The following BTBD8 variants were observed in gnomAD, a reference collection of about 807,000 sequenced individuals.
The protein encoded by BTBD8 is BTB/POZ domain-containing protein 8.
BTBD8 carries 110 observed loss-of-function variants against 162.9 expected under a neutral mutation model. The observed-to-expected ratio is 0.68, with a 90% CI of 0.58 to 0.79. The LOEUF is 0.79. BTBD8 is among the 30% of genes least tolerant of loss of function. BTBD8 has a pLI of 0.00. For missense variants in BTBD8, 1,905 were observed against 2,085.4 expected, an observed-to-expected ratio of 0.91 and a Z score of 1.68; for synonymous variants, 667 against 716.1, an observed-to-expected ratio of 0.93 and a Z score of 1.10.
In BTBD8 at chr1:92,181,746, A is replaced by G; in HGVS notation, c.4063A>G (p.Ile1355Val). 1.3e-6 allele frequency: 2 copies of G among 1,551,528 alleles called. No individual in the cohort carries two copies. Among genetic ancestry groups the G allele is most frequent in the Non-Finnish European group, 1.7e-6 (2 of 1,146,964 alleles). ...KRPEIWSRSA[I>V]VHSRERENIP... is the part of the protein sequence containing the mutation. ...GCCAGAAATTTGGTCTCGATCTGCA[A>G]TAGTTCACTCTAGGGAAAGAGAAAA... The change falls in exon 17 of 18, where the codon ATA (isoleucine) becomes GTA (valine). Residue 1355 changes from isoleucine (I) to valine (V), a missense_variant. Coordinates refer to ENST00000636805, the MANE Select transcript of BTBD8 (RefSeq NM_001376131.1).
intron 5 of BTBD8, among the ~76,000 whole-genome samples, chr1:92,134,140 A>T (rs56218378): frequency 6.6e-6 from 1 of 151,936 alleles, no homozygotes; most frequent in South Asian, 2.1e-4. Context: ...AAGGAACTCC[A>T]CTTGTTTCAT....
chr1:92,177,388 C>A lies in BTBD8; in HGVS notation c.2195C>A (p.Ser732Ter). 1 of 1,551,698 alleles carries A rather than the reference C, an allele frequency of 6.4e-7. No individual in the cohort carries two copies. Among genetic ancestry groups the A allele is most frequent in the Non-Finnish European group, 8.7e-7 (1 of 1,146,998 alleles). Residue 732 changes from serine to a stop codon, truncating the protein, a stop_gained, in exon 14 of 18, where the codon TCA becomes TAA. Transcript: ENST00000636805. LOFTEE classifies it high-confidence loss of function. ...GGACCCTCCAGCAGATCCACAGATT[C>A]AAGTATGGAATTCTCAATTTCCACT... ...IAGPSSRSTD[S>*]SMEFSISTEC... is the part of the protein sequence containing the mutation.
In BTBD8 at chr1:92,178,356, C is replaced by T. The variant is rs1356127060; in HGVS notation, c.2486C>T (p.Pro829Leu). The change falls in exon 16 of 18, where the codon CCA becomes CTA. Residue 829 changes from proline to leucine, a missense_variant. Transcript: ENST00000636805. ...GGCAAAGGATGTAGTGAGCCAGTAC[C>T]ACAGGCAATTTTGAAGAAAAGAGGA... is the stretch of plus-strand genomic sequence containing the variant. ...VSGKGCSEPV[P>L]QAILKKRGTS... 25 of 1,551,230 alleles carry T rather than the reference C, an allele frequency of 1.6e-5. No homozygotes were observed. Among genetic ancestry groups the T allele is most frequent in the African/African-American group, 2.7e-5 (2 of 73,004 alleles).
rs753458005 is a variant in BTBD8, at chr1:92,180,435, G to A, written c.2752G>A (p.Ala918Thr). ...GCCTAAGGTTAATGCAAAAATAGTG[G>A]CAATGCCTAAAAATCTAAATCAGTC... ...ALPKVNAKIV[A>T]MPKNLNQSKK... The change falls in exon 17 of 18, where the codon GCA becomes ACA. Residue 918 changes from alanine to threonine, a missense_variant. By Grantham distance (58) the Ala-to-Thr change is moderately conservative. Around this residue, in one of 3 missense-constraint regions of BTBD8, gnomAD observed 1,374 missense variants for 1,442.7 expected, o/e 0.95. Transcript: ENST00000636805. 7 of 1,551,080 alleles carry A rather than the reference G, an allele frequency of 4.5e-6. No homozygotes were observed. In the Admixed American group the frequency reaches 5.9e-5, roughly 13 times the overall value.
In BTBD8 at chr1:92,129,699, T is replaced by C. The variant is rs1410858831; in HGVS notation, c.675T>C (p.Ser225=). The C allele has an allele frequency of 6.2e-7, 1 of 1,614,040 alleles. No homozygotes were observed. The highest frequency in any genetic ancestry group is 8.5e-7 in the Non-Finnish European group (1 of 1,179,926). Residue 225 remains serine (S), a synonymous_variant, in exon 5 of 18, where the codon AGT becomes AGC. Coordinates refer to ENST00000636805, the MANE Select transcript of BTBD8 (RefSeq NM_001376131.1). ...KRFKAHRAIL[S]ARSSYFAAML... is the part of the protein sequence containing the mutation. ...CTCTTCCCTTTAGGGCCATTTTGAG[T>C]GCCAGATCTAGTTATTTTGCTGCAA...
intron 9 of BTBD8, among the ~76,000 whole-genome samples, chr1:92,152,660 A>AT (rs1010592172): frequency 3.8e-4 from 56 of 148,090 alleles, no homozygotes; most frequent in African/African-American, 7.1e-4. Context: ...AACGAGTTTG[A>AT]TTTTTTTTTT....
intron 1 of BTBD8, among the ~76,000 whole-genome samples, 160 bp from the exon 2 acceptor site, chr1:92,088,538 T>C (rs1648215757): frequency 6.6e-6 from 1 of 152,222 alleles, no homozygotes; most frequent in Non-Finnish European, 1.5e-5. Flanking sequence ...TGTTAAACAA[T>C]GTTTTTTGGA....
At chr1:92,118,452 A>G (rs1649103291) in intron 4 of BTBD8, among the ~76,000 whole-genome samples, 1 of 151,918 alleles carries the variant, frequency 6.6e-6, no homozygotes, top group Non-Finnish European at 1.5e-5. Flanking sequence ...ATTATATCAT[A>G]TTAAAGGTAC....
intron 13 of BTBD8, among the ~76,000 whole-genome samples, chr1:92,173,205 G>A (rs548559837): frequency 5.9e-5 from 9 of 152,334 alleles, no homozygotes; most frequent in South Asian, 2.1e-4. Flanking sequence ...GATTGCAGGC[G>A]TGAGCCACCA....
chr1:92,131,932 A>G (rs1030299475), intron 5 of BTBD8, among the ~76,000 whole-genome samples: 6 of 151,930 alleles, frequency 3.9e-5, no homozygotes, highest in African/African-American at 1.5e-4. Context: ...CCAGTCTCAA[A>G]CTCTTGATCT....
intron 4 of BTBD8, among the ~76,000 whole-genome samples, chr1:92,114,063 C>T (rs1462280994): frequency 6.7e-6 from 1 of 148,644 alleles, no homozygotes; most frequent in Non-Finnish European, 1.5e-5. Flanking sequence ...GACTGCTACA[C>T]ATATAAATCA....
intron 2 of BTBD8, among the ~76,000 whole-genome samples, chr1:92,092,813 A>C (rs1387598243): frequency 2.6e-5 from 4 of 152,124 alleles, no homozygotes; most frequent in African/African-American, 9.7e-5. Context: ...ATCTGTCCTT[A>C]TATCCCAGAC....
intron 9 of BTBD8, among the ~76,000 whole-genome samples, chr1:92,155,060 C>A (rs890104958): frequency 6.6e-6 from 1 of 152,106 alleles, no homozygotes; most frequent in African/African-American, 2.4e-5. Flanking sequence ...TACTAAAGAG[C>A]AGTTTTATGT....
chr1:92,172,532 AT>A (rs1270161089), intron 13 of BTBD8, among the ~76,000 whole-genome samples: 7 of 152,234 alleles, frequency 4.6e-5, no homozygotes. Flanking sequence ...GTTATTAATT[AT>A]GGTTAGGGTT....
At chr1:92,134,437 A>G (rs534651942) in intron 5 of BTBD8, among the ~76,000 whole-genome samples, 4 of 152,276 alleles carry the variant, frequency 2.6e-5, no homozygotes, top group South Asian at 2.1e-4. Context: ...CTTTCCTCCA[A>G]TAAGTTCATT....
intron 2 of BTBD8, among the ~76,000 whole-genome samples, chr1:92,091,196 T>A (rs565432754): frequency 6.6e-6 from 1 of 152,244 alleles, no homozygotes; most frequent in Admixed American, 6.5e-5. Flanking sequence ...TCTCAGGAGA[T>A]CTGGTTGTTT....
intron 4 of BTBD8, among the ~76,000 whole-genome samples, chr1:92,120,208 T>A (rs1380789860): frequency 6.6e-6 from 1 of 152,156 alleles, no homozygotes; most frequent in Non-Finnish European, 1.5e-5. Flanking sequence ...CTTTTTTCTG[T>A]TAAAAAATAT....
At chr1:92,173,916 A>G (rs1018852693) in intron 13 of BTBD8, among the ~76,000 whole-genome samples, 3 of 152,190 alleles carry the variant, frequency 2.0e-5, no homozygotes, top group African/African-American at 7.2e-5. Flanking sequence ...TTAATCAGAT[A>G]AGACAGGGAA....
At chr1:92,163,417 T>C (rs1425979864) in intron 9 of BTBD8, among the ~76,000 whole-genome samples, 1 of 148,584 alleles carries the variant, frequency 6.7e-6, no homozygotes, top group Non-Finnish European at 1.5e-5. Flanking sequence ...TATTAATGCC[T>C]TCATTTGTAT....
Sources: gnomAD v4.1 joint callset for allele counts (sites outside exome capture counted in the v4.1 genomes callset) on GRCh38, gnomAD v4.1.1 for gene constraint, gnomAD v4.1.1 regional missense constraint, MANE v1.5 for transcripts, NCBI Gene and HGNC (gene_info 2026-07-23, HGNC 2026-07-21) for gene names.